DDX55: variants seen among roughly 807,000 people sequenced by gnomAD.
DDX55 encodes the protein ATP-dependent RNA helicase DDX55.
Under a neutral mutation model 69.2 loss-of-function variants are expected in DDX55, and 56 were observed. The observed-to-expected ratio is 0.81, with a 90% confidence interval of 0.65 to 1.01. DDX55 has a LOEUF of 1.01. Ranked by LOEUF, DDX55 falls within the 50% of genes least tolerant of loss-of-function variation. The pLI is 0.00. For synonymous variants in DDX55, 268 were observed against 273.1 expected, an observed-to-expected ratio of 0.98 and a Z score of 0.18; for missense variants, 720 against 745.1, an observed-to-expected ratio of 0.97 and a Z score of 0.39.
chr12:123,618,687 A>C lies in DDX55; in HGVS notation c.1183A>C (p.Lys395Gln), dbSNP rs1295749400. 1.2e-6 allele frequency: 2 copies of C among 1,614,052 alleles called. No individual in the cohort carries two copies. Among genetic ancestry groups the C allele is most frequent in the African/African-American group, 1.3e-5 (1 of 75,024 alleles). ...TGTGTAGTGCCCCCTGCAGGAGATG[A>C]AGCCCCAGAGAAACACAGCGGACCT... ...INQKCPLQEM[K>Q]PQRNTADLLP... The change falls in exon 12 of 14, where the codon AAG becomes CAG. Residue 395 changes from lysine (K) to glutamine (Q), a missense_variant. Transcript: ENST00000238146.
At position 123,617,776 on chromosome 12, in the gene DDX55, C is replaced by T. The variant is rs149702006; in HGVS notation, c.1068C>T (p.Cys356=). 9.2e-5 allele frequency: 149 copies of T among 1,612,600 alleles called. 1 individual carries two copies. Among genetic ancestry groups the T allele is most frequent in the Middle Eastern group, 1.8e-4 (1 of 5,608 alleles). ...PSNASAFVHR[C]GRTARIGHGG... Reference sequence around the variant, plus strand: ...CTCACAGTGCCTTCGTGCATCGCTGCGGTCGCACAGCTCGCATTGGCCACG... The same window carrying T: ...CTCACAGTGCCTTCGTGCATCGCTGTGGTCGCACAGCTCGCATTGGCCACG... Residue 356 remains cysteine (C), a synonymous_variant, in exon 11 of 14, where the codon TGC becomes TGT. Coordinates refer to ENST00000238146, the MANE Select transcript of DDX55 (RefSeq NM_020936.3).
intron 3 of DDX55, 56 bp from the exon 4 acceptor site, chr12:123,607,376 T>C: frequency 6.3e-7 from 1 of 1,591,732 alleles, no homozygotes; most frequent in Non-Finnish European, 8.6e-7. Context: ...GCCTATGAGT[T>C]CCTCTCTGGG....
rs745645614 is a variant in DDX55 at position 123,608,738 on chromosome 12, G to T, written c.460G>T (p.Glu154Ter). Residue 154 changes from glutamate to a stop codon, truncating the protein, a stop_gained, in exon 6 of 14, where the codon GAA becomes TAA. Coordinates refer to ENST00000238146, the MANE Select transcript of DDX55 (RefSeq NM_020936.3). LOFTEE classifies it high-confidence loss of function. ...RLEDMFRRKA[E>*]GLDLASCVRS... is the part of the protein sequence containing the mutation. Reference sequence around the variant, plus strand: ...GGAGGACATGTTCCGGAGGAAGGCCGAAGGCTTGGATCTGGCCAGCTGTGT... The same window carrying T: ...GGAGGACATGTTCCGGAGGAAGGCCTAAGGCTTGGATCTGGCCAGCTGTGT... 1 of 1,614,028 alleles carries T rather than the reference G, an allele frequency of 6.2e-7. No homozygotes were observed. Among genetic ancestry groups the T allele is most frequent in the Non-Finnish European group, 8.5e-7 (1 of 1,180,022 alleles).
chr12:123,616,600 C>T lies in DDX55; in HGVS notation c.1046C>T (p.Ala349Val). ...TTGCAGTATGACCCTCCCAGCAATGCAAGGTATGGTACGAGGCTGCCACCC... is the reference window on the plus strand; with the variant it reads ...TTGCAGTATGACCCTCCCAGCAATGTAAGGTATGGTACGAGGCTGCCACCC... Reference protein sequence around the residue: ...WVLQYDPPSNASAFVHRCGRT... With the variant: ...WVLQYDPPSNVSAFVHRCGRT... The change falls in exon 10 of 14, where the codon GCA becomes GTA. Residue 349 changes from alanine (A) to valine (V), a missense_variant. By Grantham distance (64) the Ala-to-Val change is moderately conservative (BLOSUM62 0). Transcript: ENST00000238146. 1 of 1,613,980 alleles carries T rather than the reference C, an allele frequency of 6.2e-7. No homozygotes were observed. The highest frequency in any genetic ancestry group is 1.3e-5 in the African/African-American group (1 of 75,020).
intron 5 of DDX55, chr12:123,608,032 G>A (rs1418405789): frequency 3.7e-6 from 1 of 269,102 alleles, no homozygotes; most frequent in Non-Finnish European, 7.1e-6. Flanking sequence ...AAAGAAGATG[G>A]AATTCCAGAT....
chr12:123,609,628 C>T (rs1361885465), intron 6 of DDX55, among the ~76,000 whole-genome samples: 1 of 152,036 alleles, frequency 6.6e-6, no homozygotes, highest in Non-Finnish European at 1.5e-5. Context: ...CCATCCCAGT[C>T]TCCCGAAGTG....
Position 123,615,330 on chromosome 12 carries a change from A to G in DDX55, c.956+14A>G. 1 of 1,612,836 alleles carries G rather than the reference A, an allele frequency of 6.2e-7. No homozygotes were observed. The highest frequency in any genetic ancestry group is 8.5e-7 in the Non-Finnish European group (1 of 1,179,278). Reference sequence around the variant, plus strand: ...CAAATTGCAAAGGTGGGTGGGCTTCATTGAAGGTAGCAGCTCTCCTGCCAC... The same window carrying G: ...CAAATTGCAAAGGTGGGTGGGCTTCGTTGAAGGTAGCAGCTCTCCTGCCAC... On this transcript the variant is annotated intron_variant, in intron 9 of 13. Transcript: ENST00000238146.
At chr12:123,619,839 T>C in intron 13 of DDX55, 115 bp downstream of exon 13, 1 of 1,518,372 alleles carries the variant, frequency 6.6e-7, no homozygotes, top group Non-Finnish European at 8.7e-7. Context: ...GCGACCAGGG[T>C]GGGGAATTTG....
chr12:123,610,488 C>T (rs533867480), intron 7 of DDX55, among the ~76,000 whole-genome samples: 20 of 151,814 alleles, frequency 1.3e-4, no homozygotes, highest in South Asian at 4.2e-4. Flanking sequence ...GTTAGATGTG[C>T]AGGTGGAACA....
At chr12:123,608,885 G>T in intron 6 of DDX55, 56 bp downstream of exon 6, 2 of 1,484,394 alleles carry the variant, frequency 1.3e-6, no homozygotes, top group Non-Finnish European at 9.1e-7. Flanking sequence ...AATACAAAAG[G>T]GGAGCAAAAT....
rs765740381 is a variant in DDX55 at position 123,602,201 on chromosome 12, C to T, written c.53C>T (p.Pro18Leu). ...SWESLPVPLH[P>L]QVLGALRELG... ...GAGTCGCTGCCTGTGCCGCTGCACCCGCAGGTGCTGGGCGCGCTGCGGGAG... is the reference window on the plus strand; with the variant it reads ...GAGTCGCTGCCTGTGCCGCTGCACCTGCAGGTGCTGGGCGCGCTGCGGGAG... Residue 18 changes from proline to leucine, a missense_variant, in exon 1 of 14, where the codon CCG (proline) becomes CTG (leucine). By Grantham distance (98) the Pro-to-Leu change is moderately conservative. Transcript: ENST00000238146. 1.3e-5 allele frequency: 20 copies of T among 1,573,962 alleles called. No individual in the cohort carries two copies. The highest frequency in any genetic ancestry group is 1.6e-5 in the Non-Finnish European group (19 of 1,161,794).
Position 123,619,542 on chromosome 12 carries a change from G to C in DDX55, c.1444G>C (p.Asp482His). ...PDFVPVDVNT[D>H]TIPFKDKIRE... ...TTTTGTGCCCGTGGACGTTAATACC[G>C]ACACGATTCCATTTAAAGATAAAAT... The change falls in exon 13 of 14, where the codon GAC (aspartate) becomes CAC (histidine). Residue 482 changes from aspartate to histidine, a missense_variant. Coordinates refer to ENST00000238146, the MANE Select transcript of DDX55 (RefSeq NM_020936.3). 1.2e-6 allele frequency: 2 copies of C among 1,613,888 alleles called. No individual in the cohort carries two copies. The highest frequency in any genetic ancestry group is 2.2e-5 in the South Asian group (2 of 91,058).
intron 10 of DDX55, among the ~76,000 whole-genome samples, chr12:123,617,124 AC>A (rs1954734871): frequency 6.6e-6 from 1 of 152,374 alleles, no homozygotes; most frequent in South Asian, 2.1e-4. Context: ...AGCCTGGGCA[AC>A]AGTGTGAGAC....
intron 1 of DDX55, chr12:123,605,146 G>A (rs1365948361): frequency 6.6e-6 from 1 of 152,660 alleles, no homozygotes; most frequent in Non-Finnish European, 1.5e-5. Context: ...TTAGCCTCCT[G>A]AGTAGCTGGG....
rs565144643 is a variant in DDX55, at chr12:123,613,173, T to G, written c.745T>G (p.Cys249Gly). 5.6e-6 allele frequency: 9 copies of G among 1,614,202 alleles called. No homozygotes were observed. The Admixed American group carries it at 6.7e-5, about 12-fold the overall frequency. Residue 249 changes from cysteine (C) to glycine (G), a missense_variant, in exon 8 of 14, where the codon TGC becomes GGC. Transcript: ENST00000238146. Reference sequence around the variant, plus strand: ...AGTTTCCCTTTTTATTTTGCAGGTATGCAAGGCAGATGAGAAATTTAATCA... The same window carrying G: ...AGTTTCCCTTTTTATTTTGCAGGTAGGCAAGGCAGATGAGAAATTTAATCA... ...PSRLENYYMV[C>G]KADEKFNQLV...
At chr12:123,609,060 C>T (rs1158434746) in intron 6 of DDX55, among the ~76,000 whole-genome samples, 3 of 152,020 alleles carry the variant, frequency 2.0e-5, no homozygotes, top group Non-Finnish European at 2.9e-5. Context: ...CTCAGATGAT[C>T]CTCCTGCATC....
intron 7 of DDX55, among the ~76,000 whole-genome samples, chr12:123,611,498 C>T (rs1243611689): frequency 6.6e-6 from 1 of 152,184 alleles, no homozygotes; most frequent in African/African-American, 2.4e-5. Flanking sequence ...TAAGCTTTCT[C>T]AGGTTAAATT....
chr12:123,608,523 C>CT, intron 5 of DDX55, 157 bp from the exon 6 acceptor site: 2 of 871,816 alleles, frequency 2.3e-6, no homozygotes, highest in Non-Finnish European at 3.5e-6. Context: ...AGCCCTCAGT[C>CT]TTTCTACCCT....
rs1202085925 is a variant in DDX55, at chr12:123,609,983, G to A, written c.596G>A (p.Gly199Asp). 1 of 1,614,116 alleles carries A rather than the reference G, an allele frequency of 6.2e-7. No homozygotes were observed. Residue 199 changes from glycine to aspartate, a missense_variant, in exon 7 of 14, where the codon GGC (glycine) becomes GAC (aspartate). Physicochemically the swap from Gly to Asp is moderately conservative, Grantham distance 94. Transcript: ENST00000238146. ...LEFLPKQRRTGLFSATQTQEV... is the reference protein window; with the variant it reads ...LEFLPKQRRTDLFSATQTQEV... ...TTTTTGCCAAAGCAGAGGAGAACAGGCCTTTTCTCTGCCACTCAGACGCAG... is the reference window on the plus strand; with the variant it reads ...TTTTTGCCAAAGCAGAGGAGAACAGACCTTTTCTCTGCCACTCAGACGCAG...
Sources: allele counts gnomAD v4.1 joint callset (sites outside exome capture counted in the v4.1 genomes callset), GRCh38; gene constraint gnomAD v4.1.1; transcripts MANE v1.5; gene names NCBI Gene and HGNC (gene_info 2026-07-23, HGNC 2026-07-21).